Variants in ZBTB7C observed in about 807,000 individuals in gnomAD.
The protein encoded by ZBTB7C is zinc finger and BTB domain-containing protein 7C.
A neutral mutation model predicts 25.7 loss-of-function variants in ZBTB7C; 8 were observed. The ratio of observed to expected loss-of-function variants is 0.31; its 90% CI spans 0.18 to 0.56. ZBTB7C has a LOEUF of 0.56. ZBTB7C is among the 20% of genes least tolerant of loss of function. The pLI is 0.91. For synonymous variants in ZBTB7C, 394 were observed against 369.0 expected (o/e 1.07, Z -0.78); for missense variants, 824 against 855.2 (o/e 0.96, Z 0.46).
At chr18:48,298,466 C>T (rs1175565869) in intron 2 of ZBTB7C, among the ~76,000 whole-genome samples, 1 of 152,022 alleles carries the variant, frequency 6.6e-6, no homozygotes, top group African/African-American at 2.4e-5. Context: ...TTAAGGCTGC[C>T]CCATCTTGAC....
intron 3 of ZBTB7C, among the ~76,000 whole-genome samples, chr18:48,108,559 A>G (rs889828364): frequency 3.3e-5 from 5 of 152,120 alleles, no homozygotes; most frequent in African/African-American, 1.2e-4. Context: ...TCAGCCTCCC[A>G]GATAGTTAGG....
intron 3 of ZBTB7C, among the ~76,000 whole-genome samples, chr18:48,079,450 G>A (rs556310697): frequency 4.6e-5 from 7 of 152,344 alleles, no homozygotes; most frequent in African/African-American, 1.4e-4. Context: ...AGAATCCTGC[G>A]GAACAAAGTG....
At chr18:48,375,009 C>G (rs1022086117) in intron 1 of ZBTB7C, among the ~76,000 whole-genome samples, 2 of 152,204 alleles carry the variant, frequency 1.3e-5, no homozygotes, top group Non-Finnish European at 2.9e-5. Flanking sequence ...TATTTCTGGG[C>G]AAGACAATGA....
intron 3 of ZBTB7C, among the ~76,000 whole-genome samples, chr18:48,066,247 C>T (rs1356295647): frequency 6.6e-6 from 1 of 152,238 alleles, no homozygotes; most frequent in Non-Finnish European, 1.5e-5. Flanking sequence ...TATCTGCCCA[C>T]AGCCTGCCTC....
chr18:48,219,210 C>A (rs1238524183), intron 2 of ZBTB7C, among the ~76,000 whole-genome samples: 1 of 152,130 alleles, frequency 6.6e-6, no homozygotes, highest in African/African-American at 2.4e-5. Context: ...AGAAGTATAT[C>A]GGACTCACTC....
In ZBTB7C at chr18:48,398,109, C is replaced by T. The variant is rs371227080; in HGVS notation, c.-304+11117G>A. ...CTGAGCCCCTGAAAGGGCCGGCTGC[C>T]GGGATTAGGGACAGCATTCATTGGA... On this transcript the variant is annotated intron_variant, in intron 1 of 4. Coordinates refer to ENST00000590800, the MANE Select transcript of ZBTB7C (RefSeq NM_001318841.2). 6.9e-4 allele frequency among the ~76,000 whole-genome samples: 105 copies of T among 152,324 alleles called. 4 individuals are homozygous for T. The South Asian group carries it at 0.018, about 27-fold the overall frequency.
chr18:48,298,921 C>A (rs992338272), intron 2 of ZBTB7C, among the ~76,000 whole-genome samples: 2 of 152,192 alleles, frequency 1.3e-5, no homozygotes, highest in Non-Finnish European at 2.9e-5. Context: ...TTCTTTGTCA[C>A]CTGTCCAGGG....
At chr18:48,358,202 A>C (rs1598946729) in intron 1 of ZBTB7C, among the ~76,000 whole-genome samples, 1 of 152,234 alleles carries the variant, frequency 6.6e-6, no homozygotes, top group East Asian at 1.9e-4. Context: ...AAATACAAAA[A>C]TTAGCCAGAC....
chr18:48,107,637 C>T (rs77257802), intron 3 of ZBTB7C, among the ~76,000 whole-genome samples: 26,070 of 152,068 alleles, frequency 0.17, 2,516 homozygotes, highest in Non-Finnish European at 0.22. Context: ...GAGGAGAACC[C>T]GGTAGTGGGC....
chr18:48,183,837 C>T (rs537977457), intron 3 of ZBTB7C, among the ~76,000 whole-genome samples: 61 of 152,324 alleles, frequency 4.0e-4, no homozygotes, highest in African/African-American at 1.4e-3. Flanking sequence ...GCCTCCAAGT[C>T]AGACATCACT....
At chr18:48,281,223 T>A (rs2144635269) in intron 2 of ZBTB7C, among the ~76,000 whole-genome samples, 1 of 152,184 alleles carries the variant, frequency 6.6e-6, no homozygotes, top group Middle Eastern at 3.4e-3. Flanking sequence ...GAGTCCCTAT[T>A]TAATAAATGG....
intron 2 of ZBTB7C, among the ~76,000 whole-genome samples, chr18:48,337,017 G>T (rs1186922881): frequency 1.3e-5 from 2 of 152,052 alleles, no homozygotes; most frequent in Non-Finnish European, 2.9e-5. Flanking sequence ...GTCCAGTTCC[G>T]AGCCCACCTA....
chr18:48,157,061 C>T (rs1425185912), intron 3 of ZBTB7C, among the ~76,000 whole-genome samples: 3 of 152,102 alleles, frequency 2.0e-5, no homozygotes, highest in African/African-American at 7.2e-5. Flanking sequence ...GGCAAGCTGC[C>T]ATTTCAAAGG....
chr18:48,263,218 C>T (rs569727781), intron 2 of ZBTB7C, among the ~76,000 whole-genome samples: 62 of 152,378 alleles, frequency 4.1e-4, no homozygotes, highest in Non-Finnish European at 8.2e-4. Flanking sequence ...ACCTGCTCTT[C>T]AGGACCATCC....
intron 3 of ZBTB7C, among the ~76,000 whole-genome samples, chr18:48,055,818 T>A (rs2144285079): frequency 6.6e-6 from 1 of 152,278 alleles, no homozygotes; most frequent in South Asian, 2.1e-4. Context: ...GCTCTGCGAT[T>A]TTTGGTTTCC....
In ZBTB7C at chr18:48,051,477, G is replaced by T. The variant is rs369180571; in HGVS notation, c.-16-10354C>A. On this transcript the variant is annotated intron_variant, in intron 3 of 4. Coordinates refer to ENST00000590800, the MANE Select transcript of ZBTB7C (RefSeq NM_001318841.2). ...CCACTGCCCTCATCCCCTCATCCAA[G>T]GGGTGGCTTGGAGCCTTTTACCTTT... is the stretch of plus-strand genomic sequence containing the variant. Among the ~76,000 whole-genome samples the T allele has an allele frequency of 1.9e-4, 29 of 152,320 alleles. No homozygotes were observed. In the East Asian group the frequency reaches 5.4e-3, roughly 28 times the overall value.
intron 1 of ZBTB7C, among the ~76,000 whole-genome samples, chr18:48,369,328 T>A (rs1395986328): frequency 6.6e-6 from 1 of 151,848 alleles, no homozygotes; most frequent in East Asian, 1.9e-4. Flanking sequence ...CAAAGTAGAA[T>A]TCTAAAAAAT....
intron 3 of ZBTB7C, among the ~76,000 whole-genome samples, chr18:48,183,895 C>G (rs1275135476): frequency 6.6e-6 from 1 of 152,154 alleles, no homozygotes; most frequent in Non-Finnish European, 1.5e-5. Context: ...GCCCTGAGAC[C>G]ACATTCCCAC....
chr18:48,127,458 C>G (rs1427701884), intron 3 of ZBTB7C, among the ~76,000 whole-genome samples: 2 of 152,200 alleles, frequency 1.3e-5, no homozygotes, highest in East Asian at 3.9e-4. Context: ...GATGACAACT[C>G]TTTAGAAGGA....
Sources: gnomAD v4.1 joint callset for allele counts (sites outside exome capture counted in the v4.1 genomes callset) on GRCh38, gnomAD v4.1.1 for gene constraint, MANE v1.5 for transcripts, NCBI Gene and HGNC (gene_info 2026-07-23, HGNC 2026-07-21) for gene names.